LRP1B: variants seen among roughly 807,000 people sequenced by gnomAD.
LRP1B encodes low-density lipoprotein receptor-related protein 1B.
Under a neutral mutation model 556.6 loss-of-function variants are expected in LRP1B, and 217 were observed. That is an observed-to-expected ratio of 0.39 (90% confidence interval 0.35 to 0.44). The LOEUF is 0.44. Ranked by LOEUF, LRP1B falls within the 20% of genes least tolerant of loss-of-function variation. LRP1B has a pLI of 1.00. For synonymous variants in LRP1B, 2,047 were observed against 1,865.8 expected (o/e 1.10, Z -2.50); for missense variants, 5,053 against 5,620.8 (o/e 0.90, Z 3.23).
chr2:141,062,417 T>C (rs1218455509), intron 7 of LRP1B, 144 bp from the exon 8 acceptor site: 1 of 599,312 alleles, frequency 1.7e-6, no homozygotes. Context: ...TTCCTTATAA[T>C]ATCACTCATA....
intron 32 of LRP1B, among the ~76,000 whole-genome samples, chr2:140,784,099 T>A (rs1304799490): frequency 2.6e-5 from 4 of 152,144 alleles, no homozygotes; most frequent in African/African-American, 7.2e-5. Flanking sequence ...AAGACCTTTT[T>A]AAAAATGTCT....
At chr2:140,550,014 A>C (rs1680488259) in intron 43 of LRP1B, among the ~76,000 whole-genome samples, 1 of 150,436 alleles carries the variant, frequency 6.6e-6, no homozygotes, top group Non-Finnish European at 1.5e-5. Flanking sequence ...CCTAGCCCCC[A>C]CCCTCTGACG....
intron 83 of LRP1B, among the ~76,000 whole-genome samples, chr2:140,311,864 TG>T (rs1250206479): frequency 3.2e-4 from 49 of 152,002 alleles, no homozygotes; most frequent in African/African-American, 1.1e-3. Context: ...ATCAGTTAGG[TG>T]ACTGTGGATT....
intron 2 of LRP1B, among the ~76,000 whole-genome samples, chr2:141,660,255 G>A (rs1181033238): frequency 1.3e-5 from 2 of 152,174 alleles, no homozygotes. Context: ...GCCAAGGGAG[G>A]CGGTGAGTGA....
At chr2:141,603,860 T>G (rs186899864) in intron 2 of LRP1B, among the ~76,000 whole-genome samples, 52 of 152,268 alleles carry the variant, frequency 3.4e-4, no homozygotes, top group Admixed American at 2.0e-3. Context: ...CTACTATAAT[T>G]AAAAATATTT....
intron 3 of LRP1B, among the ~76,000 whole-genome samples, chr2:141,328,274 C>T (rs1196013222): frequency 6.6e-6 from 1 of 152,268 alleles, no homozygotes; most frequent in African/African-American, 2.4e-5. Flanking sequence ...TGACAGAATA[C>T]TCAATCTCTA....
intron 23 of LRP1B, chr2:140,898,436 C>G (rs1396599392): frequency 5.6e-6 from 1 of 179,180 alleles, no homozygotes; most frequent in Non-Finnish European, 1.2e-5. Flanking sequence ...GGAAATGGTG[C>G]CCTCGGTACT....
intron 2 of LRP1B, among the ~76,000 whole-genome samples, chr2:141,751,083 A>G (rs1442581468): frequency 6.6e-6 from 1 of 151,832 alleles, no homozygotes; most frequent in African/African-American, 2.4e-5. Flanking sequence ...TTCTGCAGAG[A>G]AAAAAAAGCT....
intron 23 of LRP1B, among the ~76,000 whole-genome samples, chr2:140,901,087 T>C (rs571731820): frequency 2.0e-5 from 3 of 152,246 alleles, no homozygotes; most frequent in South Asian, 4.1e-4. Context: ...AGTAGTAGTA[T>C]ATTTATAGGT....
intron 66 of LRP1B, among the ~76,000 whole-genome samples, chr2:140,416,734 A>T (rs1685220344): frequency 6.6e-6 from 1 of 151,906 alleles, no homozygotes; most frequent in South Asian, 2.1e-4. Flanking sequence ...GAATCCATGT[A>T]CTTCAATTGC....
intron 35 of LRP1B, among the ~76,000 whole-genome samples, chr2:140,727,411 A>G (rs904135869): frequency 2.6e-5 from 4 of 152,146 alleles, no homozygotes; most frequent in African/African-American, 9.7e-5. Context: ...CATTTTTGGC[A>G]TACAACTGAG....
At chr2:140,912,500 G>A (rs555927474) in intron 21 of LRP1B, among the ~76,000 whole-genome samples, 9 of 151,714 alleles carry the variant, frequency 5.9e-5, no homozygotes, top group Non-Finnish European at 1.0e-4. Context: ...AAATGTGCAT[G>A]AGTAATTCAA....
chr2:140,986,357 A>T (rs900755024), intron 17 of LRP1B, among the ~76,000 whole-genome samples: 2 of 152,102 alleles, frequency 1.3e-5, no homozygotes, highest in African/African-American at 2.4e-5. Context: ...CAGGTATTAG[A>T]TTATCAACAT....
At chr2:141,898,712 G>T (rs1159599036) in intron 1 of LRP1B, among the ~76,000 whole-genome samples, 1 of 152,084 alleles carries the variant, frequency 6.6e-6, no homozygotes, top group Non-Finnish European at 1.5e-5. Context: ...TATAAAAAAT[G>T]CCAGCAGGAA....
At chr2:141,168,736 G>C (rs1558907072) in intron 7 of LRP1B, among the ~76,000 whole-genome samples, 1 of 151,994 alleles carries the variant, frequency 6.6e-6, no homozygotes. Context: ...TTCAAACCCT[G>C]ACCTCATTTA....
intron 2 of LRP1B, among the ~76,000 whole-genome samples, chr2:141,772,100 CCGGCCG>C (rs1558865411): frequency 6.6e-6 from 1 of 151,996 alleles, no homozygotes; most frequent in Non-Finnish European, 1.5e-5. Context: ...ACCACCATGC[CCGGCCG>C]ATGATCTCTC....
At chr2:140,946,183 T>G (rs1469657801) in intron 20 of LRP1B, among the ~76,000 whole-genome samples, 2 of 152,150 alleles carry the variant, frequency 1.3e-5, no homozygotes, top group Admixed American at 1.3e-4. Context: ...ATGGCTATTA[T>G]TAAAAAGTCA....
intron 2 of LRP1B, among the ~76,000 whole-genome samples, chr2:141,753,852 G>C (rs1387262427): frequency 6.6e-6 from 1 of 151,976 alleles, no homozygotes; most frequent in East Asian, 1.9e-4. Flanking sequence ...ACTTTGCTTG[G>C]GTTTTTTTGG....
chr2:140,782,790 C>T (rs1689747256), intron 32 of LRP1B, among the ~76,000 whole-genome samples: 1 of 152,110 alleles, frequency 6.6e-6, no homozygotes, highest in Non-Finnish European at 1.5e-5. Context: ...TTACTAAGTT[C>T]CAGGCCCTTT....
Sources: allele counts gnomAD v4.1 joint callset (sites outside exome capture counted in the v4.1 genomes callset), GRCh38; gene constraint gnomAD v4.1.1; transcripts MANE v1.5; gene names NCBI Gene and HGNC (gene_info 2026-07-23, HGNC 2026-07-21).